MRPL9: variants seen among roughly 807,000 people sequenced by gnomAD.
MRPL9 encodes the protein mitochondrial ribosomal protein L9.
Under a neutral mutation model 27.6 loss-of-function variants are expected in MRPL9, and 25 were observed. The ratio of observed to expected loss-of-function variants is 0.91; its 90% CI spans 0.66 to 1.27. The LOEUF (loss-of-function observed/expected upper bound fraction) is 1.27. MRPL9 is among the 50% of genes most tolerant of loss of function. MRPL9 has a pLI of 0.00. For missense variants in MRPL9, 362 were observed against 338.0 expected, an observed-to-expected ratio of 1.07 and a Z score of -0.56; for synonymous variants, 154 against 139.0, an observed-to-expected ratio of 1.11 and a Z score of -0.76.
intron 1 of MRPL9, 34 bp from the exon 2 acceptor site, chr1:151,763,180 C>G: frequency 6.2e-7 from 1 of 1,603,752 alleles, no homozygotes; most frequent in Non-Finnish European, 8.5e-7. Flanking sequence ...AAGCTAGTCT[C>G]CACAAGGAAC....
chr1:151,762,458 A>G lies in MRPL9; in HGVS notation c.353T>C (p.Leu118Ser), dbSNP rs1219913133. 6.2e-7 allele frequency: 1 copy of G among 1,614,120 alleles called. No homozygotes were observed. The highest frequency in any genetic ancestry group is 1.7e-5 in the Admixed American group (1 of 60,024). ...RGDLVSVKKSLGRNRLLPQGL... is the reference protein window; with the variant it reads ...RGDLVSVKKSSGRNRLLPQGL... ...CTGAGGAAGGAGTCGATTCCGGCCT[A>G]AAGATTTCTTCACTGAGACCAGGTC... Residue 118 changes from leucine to serine, a missense_variant, in exon 3 of 7, where the codon TTA (leucine) becomes TCA (serine). Physicochemically the swap from Leu to Ser is moderately radical, Grantham distance 145. Coordinates refer to ENST00000368830, the MANE Select transcript of MRPL9 (RefSeq NM_031420.4).
chr1:151,761,591 CAT>C (rs774065592), intron 4 of MRPL9, 39 bp from the exon 5 acceptor site: 1 of 1,469,016 alleles, frequency 6.8e-7, no homozygotes, highest in Non-Finnish European at 9.5e-7. Flanking sequence ...GGAGAGGAAA[CAT>C]GTCAGGGTCA....
chr1:151,760,005 C>T lies in MRPL9; in HGVS notation c.*45G>A. The T allele has an allele frequency of 6.2e-7, 1 of 1,601,464 alleles. No individual in the cohort carries two copies. The highest frequency in any genetic ancestry group is 8.5e-7 in the Non-Finnish European group (1 of 1,173,280). ...ATCAGGGTGCTTGCACATTTCTGCT[C>T]CACTGCTCCCGATTCTGCTTTGCTG... On this transcript the variant is annotated 3_prime_UTR_variant, in exon 7 of 7. Transcript: ENST00000368830.
At chr1:151,762,288 A>T (rs760053635) in intron 3 of MRPL9, 88 bp downstream of exon 3, 2 of 1,591,070 alleles carry the variant, frequency 1.3e-6, no homozygotes, top group Non-Finnish European at 1.7e-6. Flanking sequence ...TTTCATTTTC[A>T]AGTTAAGTTA....
rs1442129450 is a variant in MRPL9 at position 151,763,487 on chromosome 1, G to C, written c.-8C>G. On this transcript the variant is annotated 5_prime_UTR_variant, in exon 1 of 7. Coordinates refer to ENST00000368830, the MANE Select transcript of MRPL9 (RefSeq NM_031420.4). ...GACAACGGGCGCCGCCATGTTCACA[G>C]GCACAGAATGAGACCTGAGGGAGGA... 8.9e-6 allele frequency: 14 copies of C among 1,568,344 alleles called. No individual in the cohort carries two copies. The highest frequency in any genetic ancestry group is 1.1e-5 in the Non-Finnish European group (13 of 1,157,072).
At chr1:151,760,718 C>T (rs1447922083) in intron 6 of MRPL9, 98 bp downstream of exon 6, 3 of 1,076,026 alleles carry the variant, frequency 2.8e-6, no homozygotes, top group African/African-American at 3.3e-5. Flanking sequence ...CCAGCCTGGG[C>T]AATGAAACAA....
At position 151,760,868 on chromosome 1, in the gene MRPL9, T is replaced by G. The variant is rs774195497; in HGVS notation, c.620A>C (p.Lys207Thr). ...CCGTGTGATAGGCTCTTCTGGTAAC[T>G]TTAATGTATGTGGGGCAACCACAAC... The part of the protein sequence containing the change: ...LGVVVAPHTL[K>T]LPEEPITRWG... Residue 207 changes from lysine to threonine, a missense_variant, in exon 6 of 7, where the codon AAG (lysine) becomes ACG (threonine). Physicochemically the swap from Lys to Thr is moderately conservative, Grantham distance 78 (BLOSUM62 -1). Transcript: ENST00000368830. 1.3e-6 allele frequency: 2 copies of G among 1,570,622 alleles called. No homozygotes were observed. Among genetic ancestry groups the G allele is most frequent in the Non-Finnish European group, 1.7e-6 (2 of 1,164,562 alleles).
intron 2 of MRPL9, chr1:151,762,755 G>T: frequency 1.5e-6 from 1 of 656,932 alleles, no homozygotes; most frequent in Non-Finnish European, 2.5e-6. Flanking sequence ...GGCACAAATT[G>T]TCAGGCTCCT....
intron 5 of MRPL9, 165 bp from the exon 6 acceptor site, chr1:151,761,064 A>G (rs560366140): frequency 1.3e-4 from 76 of 607,048 alleles, no homozygotes; most frequent in Admixed American, 2.4e-4. Context: ...AAGGGCATAC[A>G]CCTTCATAGA....
intron 5 of MRPL9, 22 bp from the exon 6 acceptor site, chr1:151,760,921 A>AATAAAAAAT (rs1553276960): frequency 1.9e-6 from 3 of 1,540,778 alleles, no homozygotes; most frequent in African/African-American, 2.9e-5. Flanking sequence ...AAAAAAAAAA[A>AATAAAAAAT]AAAAATCTCA....
Position 151,760,023 on chromosome 1 carries a change from C to T in MRPL9, c.*27G>A. The T allele has an allele frequency of 6.2e-7, 1 of 1,608,362 alleles. No individual in the cohort carries two copies. Among genetic ancestry groups the T allele is most frequent in the Non-Finnish European group, 8.5e-7 (1 of 1,176,614 alleles). The stretch of plus-strand genomic sequence containing the variant: ...TTCTGCTCCACTGCTCCCGATTCTG[C>T]TTTGCTGCCTTGGAGGGAGAGTAGA... On this transcript the variant is annotated 3_prime_UTR_variant, in exon 7 of 7. Coordinates refer to ENST00000368830, the MANE Select transcript of MRPL9 (RefSeq NM_031420.4).
rs1648035175 is a variant in MRPL9, at chr1:151,760,903, C to CCAAAAAAAAAAAAAAA, written c.589-5_589-4insTTTTTTTTTTTTTTTG. 3.1e-6 allele frequency: 3 copies of CCAAAAAAAAAAAAAAA among 953,922 alleles called. No individual in the cohort carries two copies. The highest frequency in any genetic ancestry group is 5.6e-5 in the African/African-American group (2 of 35,844). 59.1% of individuals were successfully genotyped at this position (953,922 alleles called of 1,614,324 possible). A position where few individuals can be genotyped will look rare whatever the true frequency, so the allele number is the denominator to read the frequency against. On this transcript the variant is annotated splice_polypyrimidine_tract_variant and splice_region_variant and intron_variant, in intron 5 of 6. Transcript: ENST00000368830. Reference sequence around the variant, plus strand: ...GTGGGGCAACCACAACACCAAGCTGCAAAAAAAAAAAAAAAAAAAAAAATC... The same window carrying CCAAAAAAAAAAAAAAA: ...GTGGGGCAACCACAACACCAAGCTGCCAAAAAAAAAAAAAAAAAAAAAAAAAAAAAAAAAAAAAATC...
Position 151,760,903 on chromosome 1 carries a change from CAAAAAAAAAAAA to C in MRPL9, c.589-16_589-5del. 1.0e-6 allele frequency: 1 copy of C among 952,380 alleles called. No individual in the cohort carries two copies. The highest frequency in any genetic ancestry group is 1.4e-6 in the Non-Finnish European group (1 of 735,538). The allele number at this position is 952,380 out of a possible 1,614,324, so 59.0% of individuals were successfully genotyped here. A position where few individuals can be genotyped will look rare whatever the true frequency, so the allele number is the denominator to read the frequency against. On this transcript the variant is annotated splice_polypyrimidine_tract_variant and splice_region_variant and intron_variant, in intron 5 of 6. Coordinates refer to ENST00000368830, the MANE Select transcript of MRPL9 (RefSeq NM_031420.4). ...GTGGGGCAACCACAACACCAAGCTG[CAAAAAAAAAAAA>C]AAAAAAAAAAATCTCAGCTCAAATG...
intron 6 of MRPL9, among the ~76,000 whole-genome samples, chr1:151,760,576 C>CAAA (rs11454049): frequency 0.033 from 1,608 of 48,828 alleles, 63 homozygotes; most frequent in Non-Finnish European, 0.037. Context: ...GACTCCAGCT[C>CAAA]AAAAAAAAAA....
chr1:151,761,222 G>A (rs983114993), intron 5 of MRPL9, among the ~76,000 whole-genome samples: 1 of 152,216 alleles, frequency 6.6e-6, no homozygotes, highest in Non-Finnish European at 1.5e-5. Flanking sequence ...AGGTAGACAG[G>A]AAATAAATGG....
intron 2 of MRPL9, 153 bp from the exon 3 acceptor site, chr1:151,762,653 A>C (rs1475384230): frequency 1.3e-6 from 1 of 771,310 alleles, no homozygotes. Context: ...GATTTAAGAG[A>C]CTGCTAATTA....
chr1:151,762,164 G>A lies in MRPL9; in HGVS notation c.436-9C>T, dbSNP rs1648115212. On this transcript the variant is annotated splice_polypyrimidine_tract_variant and intron_variant, in intron 3 of 6. Coordinates refer to ENST00000368830, the MANE Select transcript of MRPL9 (RefSeq NM_031420.4). ...TTTCCTTCTTGTCTCAGCTAGAAAA[G>A]AAAGTTAAAGATGAAAAGCAGTAAA... 2.5e-6 allele frequency: 4 copies of A among 1,613,916 alleles called. No homozygotes were observed. In the East Asian group the frequency reaches 8.9e-5, roughly 36 times the overall value.
Position 151,762,979 on chromosome 1 carries a change from C to T in MRPL9, c.310+11G>A. The T allele has an allele frequency of 1.2e-6, 2 of 1,613,018 alleles. No homozygotes were observed. The highest frequency in any genetic ancestry group is 2.2e-5 in the South Asian group (2 of 90,926). The stretch of plus-strand genomic sequence containing the variant: ...CCAGCCTGAGAGGAAGCGCCTCGGC[C>T]CGGGCCTTACTCTCCACCGACTGCG... On this transcript the variant is annotated intron_variant, in intron 2 of 6. Transcript: ENST00000368830.
chr1:151,763,303 C>A, intron 1 of MRPL9, 24 bp downstream of exon 1: 1 of 1,589,884 alleles, frequency 6.3e-7, no homozygotes. Context: ...CGTATCTACC[C>A]CCTACCCCAG....
Sources: gnomAD v4.1 joint callset for allele counts (sites outside exome capture counted in the v4.1 genomes callset) on GRCh38, gnomAD v4.1.1 for gene constraint, MANE v1.5 for transcripts, NCBI Gene and HGNC (gene_info 2026-07-23, HGNC 2026-07-21) for gene names.